PTPN5: variants seen among roughly 807,000 people sequenced by gnomAD.
The protein encoded by PTPN5 is protein tyrosine phosphatase non-receptor type 5, also known as tyrosine-protein phosphatase non-receptor type 5.
A neutral mutation model predicts 73.9 loss-of-function variants in PTPN5; 29 were observed. The ratio of observed to expected loss-of-function variants is 0.39; its 90% CI spans 0.29 to 0.54. PTPN5 has a LOEUF of 0.54. PTPN5 is among the 20% of genes least tolerant of loss of function. The pLI is 0.65. For synonymous variants in PTPN5, 267 were observed against 304.7 expected, an observed-to-expected ratio of 0.88 and a Z score of 1.29; for missense variants, 652 against 751.4, an observed-to-expected ratio of 0.87 and a Z score of 1.55.
intron 9 of PTPN5, among the ~76,000 whole-genome samples, chr11:18,736,691 C>T (rs1012531311): frequency 3.3e-5 from 5 of 152,154 alleles, no homozygotes; most frequent in African/African-American, 7.2e-5. Context: ...TTATTGGGCT[C>T]GGGGGCCTGG....
In PTPN5 at chr11:18,743,217, AG is replaced by A; in HGVS notation, c.399+104del. The A allele has an allele frequency of 2.4e-6, 3 of 1,272,938 alleles. No individual in the cohort carries two copies. In the South Asian group the frequency reaches 3.6e-5, roughly 15 times the overall value. The allele number at this position is 1,272,938 out of a possible 1,614,324, so 78.9% of individuals were successfully genotyped here. On this transcript the variant is annotated intron_variant, in intron 5 of 14. Transcript: ENST00000358540. ...GGCAGAAGAACTTCAGGGGCTTGGAAGTATCTTCTGAACTCAGAGAAGCCCA... is the reference window on the plus strand; with the variant it reads ...GGCAGAAGAACTTCAGGGGCTTGGAATATCTTCTGAACTCAGAGAAGCCCA...
intron 1 of PTPN5, among the ~76,000 whole-genome samples, chr11:18,779,712 A>C (rs1851335081): frequency 6.6e-6 from 1 of 152,168 alleles, no homozygotes; most frequent in Non-Finnish European, 1.5e-5. Context: ...AGAGGTCCTC[A>C]GTCACGGGCT....
intron 1 of PTPN5, among the ~76,000 whole-genome samples, chr11:18,780,467 C>G (rs1227039879): frequency 6.6e-6 from 1 of 152,154 alleles, no homozygotes; most frequent in East Asian, 1.9e-4. Flanking sequence ...CATCAGGGCC[C>G]CTGCCCCCCG....
Position 18,742,578 on chromosome 11 carries a change from T to A in PTPN5, c.484-75A>T, listed in dbSNP as rs985278551. 2.5e-6 allele frequency: 4 copies of A among 1,569,970 alleles called. No individual in the cohort carries two copies. Among genetic ancestry groups the A allele is most frequent in the Admixed American group, 1.7e-5 (1 of 58,066 alleles). On this transcript the variant is annotated intron_variant, in intron 6 of 14. Coordinates refer to ENST00000358540, the MANE Select transcript of PTPN5 (RefSeq NM_006906.2). The surrounding 1 kb of genome is among the most constrained non-coding windows in gnomAD (Gnocchi z 4.1). ...CCGTGTTCCTGGAGTGCCCATGGGA[T>A]TGACGCCCCCCCACTCCCTCAGTGT...
Position 18,728,879 on chromosome 11 carries a change from G to A in PTPN5, c.*55C>T. 1.3e-6 allele frequency: 2 copies of A among 1,547,236 alleles called. No homozygotes were observed. The highest frequency in any genetic ancestry group is 1.2e-5 in the South Asian group (1 of 83,944). ...CAGGACCCGAGGCAGGGCCCTGGGT[G>A]AGGGCCGAGACTCAGGCTGGGCAGT... On this transcript the variant is annotated 3_prime_UTR_variant, in exon 15 of 15. Transcript: ENST00000358540. The surrounding 1 kb of genome is among the most constrained non-coding windows in gnomAD (Gnocchi z 4.1).
intron 1 of PTPN5, among the ~76,000 whole-genome samples, chr11:18,786,700 G>A (rs1851689239): frequency 6.6e-6 from 1 of 152,182 alleles, no homozygotes; most frequent in African/African-American, 2.4e-5. Context: ...GGGGTCCAGA[G>A]ATCCTGTGAT....
intron 12 of PTPN5, 122 bp downstream of exon 12, chr11:18,732,470 C>A: frequency 5.5e-6 from 4 of 726,054 alleles, no homozygotes; most frequent in Non-Finnish European, 7.1e-6. Context: ...ATCAGAAAAT[C>A]TGGGAGTGAC....
At chr11:18,747,336 A>G (rs1223704157) in intron 3 of PTPN5, among the ~76,000 whole-genome samples, 1 of 151,802 alleles carries the variant, frequency 6.6e-6, no homozygotes, top group Non-Finnish European at 1.5e-5. Context: ...TTTTTAGTAG[A>G]GATGGGGTTT....
chr11:18,763,464 G>C (rs1299931156), intron 3 of PTPN5, among the ~76,000 whole-genome samples: 2 of 152,210 alleles, frequency 1.3e-5, no homozygotes, highest in East Asian at 3.8e-4. Context: ...GTAAGAAGGG[G>C]TAGCAAATGA....
Position 18,742,981 on chromosome 11 carries a change from A to G in PTPN5, c.483+11T>C, listed in dbSNP as rs1269929630. On this transcript the variant is annotated intron_variant, in intron 6 of 14. Coordinates refer to ENST00000358540, the MANE Select transcript of PTPN5 (RefSeq NM_006906.2). This position sits in a 1 kb window ranked among gnomAD's most constrained non-coding sequence, Gnocchi z 4.1. ...GGACAGCCTTGAGGTTGGGGTCAGG[A>G]GGCGCCTTACCAGGGTGGTAACGAG... is the stretch of plus-strand genomic sequence containing the variant. 1.3e-6 allele frequency: 2 copies of G among 1,534,566 alleles called. No individual in the cohort carries two copies. The highest frequency in any genetic ancestry group is 4.9e-5 in the East Asian group (2 of 40,830).
At chr11:18,743,524 T>C in intron 4 of PTPN5, 95 bp from the exon 5 acceptor site, 1 of 1,114,568 alleles carries the variant, frequency 9.0e-7, no homozygotes, top group Non-Finnish European at 1.4e-6. Context: ...TGGCCCTGCA[T>C]GGAGGCTCCT....
intron 3 of PTPN5, among the ~76,000 whole-genome samples, chr11:18,756,649 G>C (rs867292009): frequency 6.6e-6 from 1 of 151,814 alleles, no homozygotes. Context: ...CCGGCCGGGC[G>C]CGGTGGCTCA....
intron 3 of PTPN5, among the ~76,000 whole-genome samples, chr11:18,755,726 C>T (rs1385331606): frequency 6.6e-6 from 1 of 152,006 alleles, no homozygotes; most frequent in East Asian, 1.9e-4. Flanking sequence ...CTTTTTTGGG[C>T]CTGACGCGGT....
chr11:18,776,157 C>T (rs1233328560), intron 1 of PTPN5, among the ~76,000 whole-genome samples: 4 of 152,288 alleles, frequency 2.6e-5, no homozygotes, highest in South Asian at 4.1e-4. Context: ...TTTAATTTAC[C>T]GGGAGAAAAC....
rs776586245 is a variant in PTPN5 at position 18,733,299 on chromosome 11, C to G, written c.1154G>C (p.Arg385Pro). The change falls in exon 11 of 15, where the codon CGC (arginine) becomes CCC (proline). Residue 385 changes from arginine to proline, a missense_variant. Arg to Pro is a moderately radical substitution (Grantham distance 103, BLOSUM62 -2). Around this residue, in one of 3 missense-constraint regions of PTPN5, gnomAD observed 529 missense variants for 573.9 expected, o/e 0.92. Transcript: ENST00000358540. The surrounding 1 kb of genome is among the most constrained non-coding windows in gnomAD (Gnocchi z 4.3). Reference sequence around the variant, plus strand: ...GGGCGTGTGCTCCTGCCACACCATGCGCCAGAAGTCGGCGACCGTGCTGAC... The same window carrying G: ...GGGCGTGTGCTCCTGCCACACCATGGGCCAGAAGTCGGCGACCGTGCTGAC... ...PIVSTVADFWRMVWQEHTPII... is the reference protein window; with the variant it reads ...PIVSTVADFWPMVWQEHTPII... The G allele has an allele frequency of 6.2e-7, 1 of 1,614,134 alleles. No homozygotes were observed.
upstream of PTPN5, chr11:18,792,325 C>T (rs1324205020): frequency 1.3e-5 from 2 of 152,404 alleles, no homozygotes; most frequent in Admixed American, 6.5e-5. Flanking sequence ...AGTGGAGCGG[C>T]CCCATACTAG....
At chr11:18,764,911 A>G (rs935844860) in intron 3 of PTPN5, among the ~76,000 whole-genome samples, 1 of 152,030 alleles carries the variant, frequency 6.6e-6, no homozygotes, top group African/African-American at 2.4e-5. Context: ...ACGGAGTTTC[A>G]CCATGTTAGC....
intron 3 of PTPN5, among the ~76,000 whole-genome samples, chr11:18,748,734 T>G (rs1410542239): frequency 6.6e-6 from 1 of 152,202 alleles, no homozygotes; most frequent in Non-Finnish European, 1.5e-5. Context: ...TAGTCTCTGC[T>G]GATTTGTGCC....
intron 1 of PTPN5, among the ~76,000 whole-genome samples, chr11:18,782,885 C>G (rs556468321): frequency 6.6e-6 from 1 of 152,202 alleles, no homozygotes. Flanking sequence ...CTCTCCCACC[C>G]AAAGGCCAGT....
Sources: gnomAD v4.1 joint callset for allele counts (sites outside exome capture counted in the v4.1 genomes callset) on GRCh38, gnomAD v4.1.1 for gene constraint, gnomAD v4.1.1 regional missense constraint, Gnocchi (gnomAD v3.1) non-coding constraint, MANE v1.5 for transcripts, NCBI Gene and HGNC (gene_info 2026-07-23, HGNC 2026-07-21) for gene names.